AUTS2: variants seen among roughly 807,000 people sequenced by gnomAD.
The protein encoded by AUTS2 is activator of transcription and developmental regulator AUTS2, also known as autism susceptibility gene 2 protein.
Under a neutral mutation model 112.4 loss-of-function variants are expected in AUTS2, and 17 were observed. The observed-to-expected ratio is 0.15, with a 90% CI of 0.10 to 0.23. AUTS2 has a LOEUF of 0.23. AUTS2 is among the 10% of genes least tolerant of loss of function. The probability of loss-of-function intolerance (pLI) is 1.00; values close to 1 mark genes in which losing one functional copy is unlikely to be tolerated. For synonymous variants in AUTS2, 751 were observed against 702.7 expected (o/e 1.07, Z -1.09); for missense variants, 1,510 against 1,701.6 (o/e 0.89, Z 1.98).
In AUTS2 at chr7:70,263,717, A is replaced by G. The variant is rs77935739; in HGVS notation, c.660+129146A>G. On this transcript the variant is annotated intron_variant, in intron 4 of 18. Coordinates refer to ENST00000342771, the MANE Select transcript of AUTS2 (RefSeq NM_015570.4). ...TGGCAAGGGAGCAACAATAACAAAA[A>G]TCCCCCAAGGTTAAAAATGTAGTGC... Among the ~76,000 whole-genome samples, 1,456 of 152,326 alleles carry G rather than the reference A, an allele frequency of 9.6e-3. 62 individuals carry two copies. In the East Asian group the frequency reaches 0.13, roughly 13 times the overall value.
intron 4 of AUTS2, among the ~76,000 whole-genome samples, chr7:70,259,045 CTG>C (rs1165864516): frequency 2.4e-4 from 36 of 152,286 alleles, no homozygotes; most frequent in Middle Eastern, 3.4e-3. Context: ...ACTTTGACCT[CTG>C]ATGCCTTTCC....
intron 4 of AUTS2, among the ~76,000 whole-genome samples, chr7:70,313,560 A>C (rs1789854459): frequency 6.6e-6 from 1 of 152,350 alleles, no homozygotes; most frequent in South Asian, 2.1e-4. Context: ...GGGGATGCTG[A>C]CATTGGCACA....
chr7:70,209,277 A>G (rs1324815824), intron 4 of AUTS2, among the ~76,000 whole-genome samples: 1 of 152,200 alleles, frequency 6.6e-6, no homozygotes, highest in African/African-American at 2.4e-5. Context: ...GATGGCTGAT[A>G]TCATGTGTAG....
intron 6 of AUTS2, among the ~76,000 whole-genome samples, chr7:70,741,553 T>C (rs1788109351): frequency 1.3e-5 from 2 of 151,666 alleles, no homozygotes; most frequent in South Asian, 4.2e-4. Flanking sequence ...TATCCGGGCG[T>C]GGTGGCACAT....
rs140360697 is a variant in AUTS2, at chr7:69,990,091, A to G, written c.522+90593A>G. On this transcript the variant is annotated intron_variant, in intron 2 of 18. Coordinates refer to ENST00000342771, the MANE Select transcript of AUTS2 (RefSeq NM_015570.4). ...AAGAAGAGTAATTCAAAAAACAGAA[A>G]TAGCAATACAAAGTTGCAGTCTGAA... Among the ~76,000 whole-genome samples the G allele has an allele frequency of 8.3e-4, 127 of 152,300 alleles. No individual in the cohort carries two copies. The Middle Eastern group carries it at 0.01, about 12-fold the overall frequency.
intron 1 of AUTS2, among the ~76,000 whole-genome samples, chr7:69,665,198 G>A (rs184521751): frequency 3.7e-4 from 57 of 152,226 alleles, no homozygotes; most frequent in Admixed American, 1.0e-3. Context: ...TAAAAGATGG[G>A]GATGTCTTTC....
At chr7:70,600,903 A>G (rs1803443027) in intron 5 of AUTS2, among the ~76,000 whole-genome samples, 1 of 152,188 alleles carries the variant, frequency 6.6e-6, no homozygotes. Context: ...AGACAGTACC[A>G]CATTTTGTTT....
intron 4 of AUTS2, among the ~76,000 whole-genome samples, chr7:70,238,548 C>T (rs1294530267): frequency 6.6e-6 from 1 of 152,176 alleles, no homozygotes; most frequent in African/African-American, 2.4e-5. Context: ...TCTCCCTTTC[C>T]TGTCCAAGGA....
chr7:70,099,552 C>G (rs1232611706), intron 2 of AUTS2, among the ~76,000 whole-genome samples: 3 of 151,662 alleles, frequency 2.0e-5, no homozygotes, highest in Non-Finnish European at 4.4e-5. Context: ...AGTTTTCTCC[C>G]TGCCCTAGTG....
intron 6 of AUTS2, chr7:70,699,319 CTATT>C (rs1809315427): frequency 6.6e-6 from 1 of 152,162 alleles, no homozygotes; most frequent in South Asian, 2.1e-4. Context: ...ACCATATAAA[CTATT>C]TAATCTTCCC....
At chr7:70,654,753 C>T (rs961955807) in intron 5 of AUTS2, among the ~76,000 whole-genome samples, 2 of 152,216 alleles carry the variant, frequency 1.3e-5, no homozygotes, top group South Asian at 2.1e-4. Context: ...CCTTGTCTTC[C>T]AAGAAGTTTG....
chr7:70,162,338 T>C (rs889277846), intron 4 of AUTS2, among the ~76,000 whole-genome samples: 1 of 145,816 alleles, frequency 6.9e-6, no homozygotes, highest in South Asian at 2.2e-4. Context: ...CCCAGCTACT[T>C]GGGAGGCTGA....
intron 1 of AUTS2, among the ~76,000 whole-genome samples, chr7:69,876,344 AAAAAAATATATATATATATAT>A (rs1313489335): frequency 6.3e-5 from 5 of 79,906 alleles, no homozygotes; most frequent in Non-Finnish European, 9.6e-5. Context: ...AAAAAAAAAA[AAAAAAATATATATATATATAT>A]ATATATATAT....
chr7:70,510,520 TC>T (rs1299684054), intron 5 of AUTS2, among the ~76,000 whole-genome samples: 1 of 152,188 alleles, frequency 6.6e-6, no homozygotes, highest in African/African-American at 2.4e-5. Context: ...TCAGGAGTTC[TC>T]CAAGGCCAAA....
At chr7:70,172,195 G>C (rs986924533) in intron 4 of AUTS2, among the ~76,000 whole-genome samples, 11 of 152,162 alleles carry the variant, frequency 7.2e-5, no homozygotes, top group African/African-American at 2.7e-4. Flanking sequence ...TCTATGGCCT[G>C]ATCTCTCTGT....
At chr7:70,655,005 G>A (rs1806695586) in intron 5 of AUTS2, among the ~76,000 whole-genome samples, 1 of 152,236 alleles carries the variant, frequency 6.6e-6, no homozygotes, top group Admixed American at 6.5e-5. Context: ...AAGTTGACTT[G>A]AAATAATTAG....
chr7:69,872,834 C>CTTTTTTTTTTTTTTTTTTTTTTTTT (rs1164356683), intron 1 of AUTS2, among the ~76,000 whole-genome samples: 3 of 70,422 alleles, frequency 4.3e-5, no homozygotes, highest in East Asian at 4.4e-4. Context: ...AGCCTATATT[C>CTTTTTTTTTTTTTTTTTTTTTTTTT]TTTTTTTTTT....
At chr7:70,464,514 C>T (rs1220641891) in intron 5 of AUTS2, among the ~76,000 whole-genome samples, 1 of 152,202 alleles carries the variant, frequency 6.6e-6, no homozygotes, top group Non-Finnish European at 1.5e-5. Context: ...AATAAGGTCA[C>T]TGAGGCCCAG....
chr7:69,758,277 T>C (rs891262378), intron 1 of AUTS2, among the ~76,000 whole-genome samples: 1 of 152,222 alleles, frequency 6.6e-6, no homozygotes, highest in African/African-American at 2.4e-5. Context: ...CCTCAGGACC[T>C]CTTTAGTTGG....
Sources: gnomAD v4.1 joint callset for allele counts (sites outside exome capture counted in the v4.1 genomes callset) on GRCh38, gnomAD v4.1.1 for gene constraint, MANE v1.5 for transcripts, NCBI Gene and HGNC (gene_info 2026-07-23, HGNC 2026-07-21) for gene names.